Variants in CCBE1 observed in about 807,000 individuals in gnomAD.
CCBE1 encodes the protein collagen and calcium-binding EGF domain-containing protein 1.
A neutral mutation model predicts 50.0 loss-of-function variants in CCBE1; 37 were observed. That is an observed-to-expected ratio of 0.74 (90% CI 0.57 to 0.97). The LOEUF is 0.97. CCBE1 is among the 50% of genes least tolerant of loss of function. The probability of loss-of-function intolerance (pLI) is 0.00; values close to 1 mark genes in which losing one functional copy is unlikely to be tolerated. For missense variants in CCBE1, 538 were observed against 523.8 expected, an observed-to-expected ratio of 1.03 and a Z score of -0.26; for synonymous variants, 234 against 203.7, an observed-to-expected ratio of 1.15 and a Z score of -1.27.
rs572569947 is a variant in CCBE1 at position 59,573,173 on chromosome 18, T to A, written c.213-92935A>T. ...GGTGGTGCGCACCTGTAATCCTAGC[T>A]ACTCGGGAGGCTGAGGCACCAGAAT... On this transcript the variant is annotated intron_variant, in intron 2 of 10. Coordinates refer to ENST00000439986, the MANE Select transcript of CCBE1 (RefSeq NM_133459.4). Among the ~76,000 whole-genome samples, 194 of 150,852 alleles carry A rather than the reference T, an allele frequency of 1.3e-3. 1 individual carries two copies. The highest frequency in any genetic ancestry group is 4.6e-3 in the African/African-American group (188 of 41,046).
intron 2 of CCBE1, among the ~76,000 whole-genome samples, chr18:59,537,525 TA>T (rs1417139230): frequency 6.6e-6 from 1 of 152,216 alleles, no homozygotes; most frequent in African/African-American, 2.4e-5. Context: ...TGCTGCCATG[TA>T]AGATGTGCCT....
chr18:59,544,000 A>C lies in CCBE1; in HGVS notation c.213-63762T>G, dbSNP rs140147275. The stretch of plus-strand genomic sequence containing the variant: ...ACACGTATTCTGGAAGCAGGGGTTT[A>C]TTATGTTTGGTTTTTGTAGTCTATG... On this transcript the variant is annotated intron_variant, in intron 2 of 10. Transcript: ENST00000439986. Among the ~76,000 whole-genome samples, 1,029 of 152,318 alleles carry C rather than the reference A, an allele frequency of 6.8e-3. 13 individuals are homozygous for C. Among genetic ancestry groups the C allele is most frequent in the Middle Eastern group, 0.045 (13 of 292 alleles).
intron 5 of CCBE1, among the ~76,000 whole-genome samples, chr18:59,462,197 G>A (rs1911515736): frequency 6.6e-6 from 1 of 152,224 alleles, no homozygotes; most frequent in South Asian, 2.1e-4. Context: ...TTCATCAGAT[G>A]CCATGCAGTC....
chr18:59,662,131 T>C (rs57431867), intron 2 of CCBE1, among the ~76,000 whole-genome samples: 1 of 152,214 alleles, frequency 6.6e-6, no homozygotes, highest in African/African-American at 2.4e-5. Flanking sequence ...TTGGGGGCCA[T>C]TTTAAAACAG....
At chr18:59,574,384 A>G (rs1193410336) in intron 2 of CCBE1, among the ~76,000 whole-genome samples, 1 of 152,242 alleles carries the variant, frequency 6.6e-6, no homozygotes, top group African/African-American at 2.4e-5. Context: ...CTTACTTAAT[A>G]AGCCACACTT....
intron 2 of CCBE1, among the ~76,000 whole-genome samples, chr18:59,534,769 C>T (rs143576991): frequency 1.6e-4 from 25 of 152,296 alleles, no homozygotes; most frequent in African/African-American, 6.0e-4. Flanking sequence ...GAACTTCTGG[C>T]CCCAGATCTA....
intron 2 of CCBE1, among the ~76,000 whole-genome samples, chr18:59,561,526 C>T (rs2052738667): frequency 6.6e-6 from 1 of 152,178 alleles, no homozygotes; most frequent in Non-Finnish European, 1.5e-5. Context: ...GCCATGTAGC[C>T]ATAACATGGG....
At chr18:59,658,378 T>A (rs1335689041) in intron 2 of CCBE1, among the ~76,000 whole-genome samples, 10 of 14,308 alleles carry the variant, frequency 7.0e-4, no homozygotes, top group African/African-American at 1.1e-3. Context: ...TATATATATA[T>A]ATATATATAT....
intron 2 of CCBE1, among the ~76,000 whole-genome samples, chr18:59,628,046 CTACAAAAAA>C: frequency 6.6e-6 from 1 of 152,286 alleles, no homozygotes; most frequent in East Asian, 1.9e-4. Context: ...CACCCCGTCT[CTACAAAAAA>C]TACAAAAAAT....
chr18:59,596,612 C>T (rs1305665064), intron 2 of CCBE1, among the ~76,000 whole-genome samples: 11 of 152,166 alleles, frequency 7.2e-5, no homozygotes, highest in Non-Finnish European at 1.5e-4. Flanking sequence ...AGTGTCCTCC[C>T]CATGCCTCAG....
chr18:59,538,294 C>T (rs1265800864), intron 2 of CCBE1, among the ~76,000 whole-genome samples: 1 of 152,212 alleles, frequency 6.6e-6, no homozygotes, highest in African/African-American at 2.4e-5. Context: ...CCAAAATATA[C>T]ATGCACATTT....
intron 2 of CCBE1, among the ~76,000 whole-genome samples, chr18:59,552,709 T>G (rs1190428609): frequency 1.3e-5 from 2 of 152,246 alleles, no homozygotes; most frequent in African/African-American, 2.4e-5. Context: ...TCATTTATCA[T>G]AATGTGAAGA....
chr18:59,645,636 C>G (rs898457995), intron 2 of CCBE1, among the ~76,000 whole-genome samples: 11 of 152,126 alleles, frequency 7.2e-5, no homozygotes, highest in African/African-American at 2.7e-4. Flanking sequence ...TGAACTAGGA[C>G]AAAAATAATC....
intron 2 of CCBE1, among the ~76,000 whole-genome samples, chr18:59,633,393 T>C (rs1467143933): frequency 6.6e-6 from 1 of 152,258 alleles, no homozygotes; most frequent in Non-Finnish European, 1.5e-5. Context: ...TCACTGCAGA[T>C]CATTTTTCCA....
At chr18:59,659,294 T>TG (rs1024379007) in intron 2 of CCBE1, among the ~76,000 whole-genome samples, 2 of 127,224 alleles carry the variant, frequency 1.6e-5, no homozygotes, top group Non-Finnish European at 3.4e-5. Flanking sequence ...AGAATTTACA[T>TG]GTTTTTTTTT....
At chr18:59,628,878 G>A (rs2053819165) in intron 2 of CCBE1, among the ~76,000 whole-genome samples, 1 of 152,068 alleles carries the variant, frequency 6.6e-6, no homozygotes, top group African/African-American at 2.4e-5. Flanking sequence ...CCCCAAATTA[G>A]CAAGTCCTAT....
At chr18:59,469,331 G>T in intron 4 of CCBE1, 142 bp downstream of exon 4, 1 of 1,145,630 alleles carries the variant, frequency 8.7e-7, no homozygotes, top group Non-Finnish European at 1.3e-6. Context: ...TTGTGATGAA[G>T]GGCAGTGATA....
chr18:59,582,608 C>A (rs1043619385), intron 2 of CCBE1, among the ~76,000 whole-genome samples: 10 of 152,102 alleles, frequency 6.6e-5, no homozygotes, highest in Admixed American at 2.0e-4. Context: ...GGGAAGGGAG[C>A]CCTTGCTGAG....
chr18:59,509,139 G>C (rs1282184540), intron 2 of CCBE1, among the ~76,000 whole-genome samples: 2 of 152,118 alleles, frequency 1.3e-5, no homozygotes, highest in Non-Finnish European at 2.9e-5. Context: ...TGCTTCTGTG[G>C]TCCTCAAACT....
Sources: gnomAD v4.1 joint callset for allele counts (sites outside exome capture counted in the v4.1 genomes callset) on GRCh38, gnomAD v4.1.1 for gene constraint, MANE v1.5 for transcripts, NCBI Gene and HGNC (gene_info 2026-07-23, HGNC 2026-07-21) for gene names.